The following TMA16 variants were observed in gnomAD, a reference collection of about 807,000 sequenced individuals.
TMA16 encodes the protein translation machinery-associated protein 16.
Under a neutral mutation model 27.1 loss-of-function variants are expected in TMA16, and 26 were observed. The ratio of observed to expected loss-of-function variants is 0.96; its 90% confidence interval spans 0.70 to 1.33. The LOEUF is 1.33. Ranked by LOEUF, TMA16 falls within the 40% of genes most tolerant of loss-of-function variation. The pLI is 0.00. For synonymous variants in TMA16, 71 were observed against 81.9 expected (o/e 0.87, Z 0.72); for missense variants, 233 against 241.4 (o/e 0.97, Z 0.23).
chr4:163,516,157 A>G (rs1310061000), intron 5 of TMA16: 1 of 152,296 alleles, frequency 6.6e-6, no homozygotes, highest in African/African-American at 2.4e-5. Context: ...ATCAGAGCAC[A>G]TCCAAAGTAA....
Position 163,519,338 on chromosome 4 carries a change from T to A in TMA16, c.436T>A (p.Trp146Arg). 1 of 1,576,704 alleles carries A rather than the reference T, an allele frequency of 6.3e-7. No homozygotes were observed. The change falls in exon 7 of 7, where the codon TGG becomes AGG. Residue 146 changes from tryptophan (W) to arginine (R), a missense_variant. Physicochemically the swap from Trp to Arg is moderately radical, Grantham distance 101. Transcript: ENST00000358572. ...TTTTTTTTTCCTTTTGTCTAGGGAA[T>A]GGGACTTTGATCTGAAGAAATTACC... is the stretch of plus-strand genomic sequence containing the variant. ...NASNLKTFRE[W>R]DFDLKKLPNI...
At position 163,515,505 on chromosome 4, in the gene TMA16, G is replaced by T. The variant is rs147738854; in HGVS notation, c.388+44G>T. On this transcript the variant is annotated intron_variant, in intron 5 of 6. Transcript: ENST00000358572. ...TATTTTCCTTTTATATGACATAGCA[G>T]TATCAATTTGTGATTGATTTCAAAG... The T allele has an allele frequency of 1.6e-4, 246 of 1,508,148 alleles. No homozygotes were observed. The African/African-American group carries it at 3.0e-3, about 18-fold the overall frequency. 93.4% of individuals were successfully genotyped at this position (1,508,148 alleles called of 1,614,324 possible).
intron 4 of TMA16, among the ~76,000 whole-genome samples, chr4:163,514,595 G>A (rs1737848104): frequency 6.6e-6 from 1 of 152,154 alleles, no homozygotes. Flanking sequence ...GCTCATGAAA[G>A]ACCTCAGATG....
In TMA16 at chr4:163,519,365, A is replaced by G. The variant is rs140930685; in HGVS notation, c.463A>G (p.Asn155Asp). ...EWDFDLKKLP[N>D]IKMRKICAND... ...GGACTTTGATCTGAAGAAATTACCA[A>G]ACATTAAAATGAGAAAAATTTGCGC... Residue 155 changes from asparagine to aspartate, a missense_variant, in exon 7 of 7, where the codon AAC (asparagine) becomes GAC (aspartate). Physicochemically the swap from Asn to Asp is conservative, Grantham distance 23. Coordinates refer to ENST00000358572, the MANE Select transcript of TMA16 (RefSeq NM_018352.3). 2 of 1,599,898 alleles carry G rather than the reference A, an allele frequency of 1.3e-6. No individual in the cohort carries two copies. Among genetic ancestry groups the G allele is most frequent in the Non-Finnish European group, 1.7e-6 (2 of 1,175,092 alleles).
intron 1 of TMA16, among the ~76,000 whole-genome samples, chr4:163,497,936 C>T (rs991226361): frequency 2.0e-5 from 3 of 152,176 alleles, no homozygotes; most frequent in African/African-American, 7.2e-5. Context: ...AGTTTCTTAG[C>T]TATCAATTCA....
At chr4:163,498,813 T>C (rs996451154) in intron 1 of TMA16, among the ~76,000 whole-genome samples, 1 of 152,146 alleles carries the variant, frequency 6.6e-6, no homozygotes, top group Non-Finnish European at 1.5e-5. Context: ...ACACAGCCTC[T>C]CCTGGCTAAT....
At chr4:163,504,035 G>A (rs1470557562) in intron 1 of TMA16, among the ~76,000 whole-genome samples, 1 of 152,080 alleles carries the variant, frequency 6.6e-6, no homozygotes, top group African/African-American at 2.4e-5. Context: ...CTATGAGGAC[G>A]TTTTTATATT....
Position 163,520,496 on chromosome 4 carries a change from TTTAC to T in TMA16, c.*985_*988del, listed in dbSNP as rs1423071408. 6.6e-6 allele frequency: 1 copy of T among 152,168 alleles called. No individual in the cohort carries two copies. The highest frequency in any genetic ancestry group is 1.5e-5 in the Non-Finnish European group (1 of 68,028). 9.4% of individuals were successfully genotyped at this position (152,168 alleles called of 1,614,324 possible). A position where few individuals can be genotyped will look rare whatever the true frequency, so the allele number is the denominator to read the frequency against. ...TAACAGTTAAAGTATTATAACTTTT[TTTAC>T]TTCTGAAAATTAAAAATAAAATTTA... is the stretch of plus-strand genomic sequence containing the variant. On this transcript the variant is annotated 3_prime_UTR_variant, in exon 7 of 7. Transcript: ENST00000358572.
chr4:163,497,918 C>G (rs958624662), intron 1 of TMA16, among the ~76,000 whole-genome samples: 3 of 152,200 alleles, frequency 2.0e-5, no homozygotes, highest in African/African-American at 7.2e-5. Flanking sequence ...GAAACAGCCA[C>G]TGTTAACAGT....
At position 163,507,022 on chromosome 4, in the gene TMA16, A is replaced by T; in HGVS notation, c.4-11A>T. 1.3e-6 allele frequency: 2 copies of T among 1,571,338 alleles called. No individual in the cohort carries two copies. The highest frequency in any genetic ancestry group is 2.4e-5 in the South Asian group (2 of 84,946). On this transcript the variant is annotated splice_polypyrimidine_tract_variant and intron_variant, in intron 1 of 6. Transcript: ENST00000358572. ...CTGACTATATGTGTCATGTGTTTTC[A>T]TACATTTTAGCCCAAAGCACCAAAG...
intron 6 of TMA16, among the ~76,000 whole-genome samples, chr4:163,518,622 G>C (rs1305194928): frequency 6.6e-6 from 1 of 152,032 alleles, no homozygotes; most frequent in Non-Finnish European, 1.5e-5. Flanking sequence ...ATTGAAATTA[G>C]GTAAATTTAA....
At chr4:163,501,259 GTTA>G (rs1173582774) in intron 1 of TMA16, among the ~76,000 whole-genome samples, 2 of 152,140 alleles carry the variant, frequency 1.3e-5, no homozygotes, top group Non-Finnish European at 1.5e-5. Flanking sequence ...AATTTCCTGT[GTTA>G]TTATTCTGGG....
chr4:163,501,461 T>A (rs1259648954), intron 1 of TMA16, among the ~76,000 whole-genome samples: 2 of 152,234 alleles, frequency 1.3e-5, no homozygotes, highest in African/African-American at 4.8e-5. Flanking sequence ...AGTCTGTTTA[T>A]GTGTCTCTTT....
At chr4:163,497,637 C>T (rs1737578015) in intron 1 of TMA16, among the ~76,000 whole-genome samples, 1 of 152,192 alleles carries the variant, frequency 6.6e-6, no homozygotes, top group Non-Finnish European at 1.5e-5. Context: ...AATTTTCCCC[C>T]AGAGAAGGTT....
At chr4:163,513,087 A>G (rs935641762) in intron 3 of TMA16, among the ~76,000 whole-genome samples, 1 of 151,962 alleles carries the variant, frequency 6.6e-6, no homozygotes, top group African/African-American at 2.4e-5. Context: ...CTACCTACCT[A>G]CCTGTCTACA....
rs1484383490 is a variant in TMA16, at chr4:163,517,538, C to G, written c.431+62C>G. The stretch of plus-strand genomic sequence containing the variant: ...GTAAAGTACCTGACAGGTGAACTTT[C>G]TTCCCCTTTGAGTCTAGCCGGTAGA... On this transcript the variant is annotated intron_variant, in intron 6 of 6. Transcript: ENST00000358572. 2.1e-6 allele frequency: 3 copies of G among 1,463,152 alleles called. No homozygotes were observed. In the South Asian group the frequency reaches 3.7e-5, roughly 18 times the overall value. The allele number at this position is 1,463,152 out of a possible 1,614,324, so 90.6% of individuals were successfully genotyped here.
At position 163,514,024 on chromosome 4, in the gene TMA16, C is replaced by G. The variant is rs763540089; in HGVS notation, c.155-50C>G. 8.0e-6 allele frequency: 11 copies of G among 1,373,024 alleles called. No individual in the cohort carries two copies. In the South Asian group the frequency reaches 1.5e-4, roughly 19 times the overall value. The allele number at this position is 1,373,024 out of a possible 1,614,324, so 85.1% of individuals were successfully genotyped here. ...GAAAATGATAATGAATATTTACTTG[C>G]TTAAATGATGACTTGTGGGGTAAAC... On this transcript the variant is annotated intron_variant, in intron 3 of 6. Coordinates refer to ENST00000358572, the MANE Select transcript of TMA16 (RefSeq NM_018352.3).
chr4:163,506,926 A>G, intron 1 of TMA16, 107 bp from the exon 2 acceptor site: 1 of 834,018 alleles, frequency 1.2e-6, no homozygotes, highest in Non-Finnish European at 1.8e-6. Flanking sequence ...AGCTTACTGT[A>G]TTTCTGTCAT....
intron 1 of TMA16, among the ~76,000 whole-genome samples, chr4:163,498,861 T>C (rs1003898679): frequency 6.6e-6 from 1 of 152,062 alleles, no homozygotes; most frequent in African/African-American, 2.4e-5. Context: ...TCTCACTATG[T>C]TGTCCAGGCT....
Sources: gnomAD v4.1 joint callset for allele counts (sites outside exome capture counted in the v4.1 genomes callset) on GRCh38, gnomAD v4.1.1 for gene constraint, MANE v1.5 for transcripts, NCBI Gene and HGNC (gene_info 2026-07-23, HGNC 2026-07-21) for gene names.